The following RIPOR3 variants were observed in gnomAD, a reference collection of about 807,000 sequenced individuals.
RIPOR3 encodes the protein family with sequence similarity 65 member C.
A neutral mutation model predicts 114.3 loss-of-function variants in RIPOR3; 95 were observed. That is an observed-to-expected ratio of 0.83 (90% CI 0.70 to 0.99). The LOEUF is 0.99. RIPOR3 is among the 50% of genes least tolerant of loss of function. RIPOR3 has a pLI of 0.00. For missense variants in RIPOR3, 1,252 were observed against 1,266.9 expected (o/e 0.99, Z 0.18); for synonymous variants, 575 against 543.8 (o/e 1.06, Z -0.80).
intron 1 of RIPOR3, among the ~76,000 whole-genome samples, chr20:50,654,422 GTTTTTT>G (rs34825514): frequency 8.9e-5 from 5 of 56,116 alleles, no homozygotes; most frequent in Non-Finnish European, 1.6e-4. Context: ...AGGAGGCAGA[GTTTTTT>G]TTTTTTTTTT....
chr20:50,678,313 C>A (rs1042878369), intron 1 of RIPOR3, among the ~76,000 whole-genome samples: 1 of 152,156 alleles, frequency 6.6e-6, no homozygotes, highest in Non-Finnish European at 1.5e-5. Flanking sequence ...TTGGCCCAAC[C>A]CTCTGAAACT....
intron 1 of RIPOR3, among the ~76,000 whole-genome samples, chr20:50,672,516 C>G (rs1365170630): frequency 1.3e-5 from 2 of 152,204 alleles, no homozygotes; most frequent in Non-Finnish European, 2.9e-5. Context: ...ACCACAGAGA[C>G]AAACCAACCA....
At chr20:50,625,030 T>A (rs1323265233) in intron 2 of RIPOR3, among the ~76,000 whole-genome samples, 1 of 151,540 alleles carries the variant, frequency 6.6e-6, no homozygotes, top group East Asian at 1.9e-4. Flanking sequence ...AGGCATGCAC[T>A]CGGCACTTGC....
At chr20:50,590,232 C>T (rs1376915639) in intron 19 of RIPOR3, among the ~76,000 whole-genome samples, 2 of 152,250 alleles carry the variant, frequency 1.3e-5, no homozygotes, top group East Asian at 1.9e-4. Flanking sequence ...CTGCCCTCTT[C>T]GGTCTCACGA....
intron 1 of RIPOR3, among the ~76,000 whole-genome samples, chr20:50,655,418 C>T (rs962691388): frequency 1.3e-5 from 2 of 152,220 alleles, no homozygotes; most frequent in African/African-American, 2.4e-5. Context: ...GCCAGACACA[C>T]GGGCTCACTG....
chr20:50,587,911 AAAAG>A lies in RIPOR3; in HGVS notation c.2662-23_2662-20del, dbSNP rs752889112. 4.3e-5 allele frequency: 70 copies of A among 1,613,450 alleles called. No individual in the cohort carries two copies. The highest frequency in any genetic ancestry group is 5.3e-5 in the Non-Finnish European group (63 of 1,179,720). On this transcript the variant is annotated intron_variant, in intron 20 of 21. Coordinates refer to ENST00000327979, the MANE Select transcript of RIPOR3 (RefSeq NM_001290268.2). ...CAATGCCCTGTTCGAGATTAGGAGA[AAAAG>A]AACCCTTTAGGGGGCCTTCTCAACA...
At chr20:50,645,323 A>T (rs1333559029) in intron 1 of RIPOR3, 1 of 152,232 alleles carries the variant, frequency 6.6e-6, no homozygotes, top group Non-Finnish European at 1.5e-5. Flanking sequence ...AATCACAGCC[A>T]GCTCATGTCA....
At chr20:50,653,177 A>G (rs1460172376) in intron 1 of RIPOR3, 1 of 152,190 alleles carries the variant, frequency 6.6e-6, no homozygotes, top group African/African-American at 2.4e-5. Context: ...GAACCTTGAA[A>G]ACGGTATGCT....
chr20:50,657,952 A>G lies in RIPOR3; in HGVS notation c.4-27096T>C, dbSNP rs115908857. Among the ~76,000 whole-genome samples the G allele has an allele frequency of 9.6e-3, 1,461 of 151,406 alleles. 17 individuals carry two copies. Among genetic ancestry groups the G allele is most frequent in the African/African-American group, 0.034 (1,392 of 41,256 alleles). On this transcript the variant is annotated intron_variant, in intron 1 of 21. Coordinates refer to ENST00000327979, the MANE Select transcript of RIPOR3 (RefSeq NM_001290268.2). ...TTTTTATTTTTATTTTTTTGTAGTA[A>G]CAGGGCCTCGGTATATTGCCCAGGC...
At chr20:50,685,865 G>A (rs2087003017) in intron 1 of RIPOR3, among the ~76,000 whole-genome samples, 1 of 149,922 alleles carries the variant, frequency 6.7e-6, no homozygotes. Context: ...TCTGTGATGT[G>A]GGCATTAAAA....
chr20:50,610,043 G>GCCACC (rs2123069862), intron 6 of RIPOR3, among the ~76,000 whole-genome samples: 2 of 87,320 alleles, frequency 2.3e-5, no homozygotes, highest in African/African-American at 8.9e-5. Flanking sequence ...TGCCACCCCT[G>GCCACC]CCTCCCCTGC....
intron 5 of RIPOR3, 100 bp from the exon 6 acceptor site, chr20:50,611,006 G>GA: frequency 5.5e-6 from 3 of 542,792 alleles, no homozygotes; most frequent in South Asian, 5.0e-5. Context: ...CTCAGAGAAT[G>GA]GGGCCCCTCA....
intron 19 of RIPOR3, among the ~76,000 whole-genome samples, chr20:50,591,109 A>T (rs1304407573): frequency 6.6e-6 from 1 of 152,218 alleles, no homozygotes; most frequent in East Asian, 1.9e-4. Context: ...AAGCAGAGAA[A>T]GAAACGGGGA....
At chr20:50,662,056 T>A (rs2123461576) in intron 1 of RIPOR3, 1 of 152,490 alleles carries the variant, frequency 6.6e-6, no homozygotes, top group East Asian at 1.9e-4. Context: ...CAGACATCCC[T>A]GGGAGGCTCC....
intron 1 of RIPOR3, among the ~76,000 whole-genome samples, chr20:50,650,673 T>C (rs1389159700): frequency 6.6e-6 from 1 of 152,156 alleles, no homozygotes; most frequent in Non-Finnish European, 1.5e-5. Context: ...TACAGATGTA[T>C]AATCAGTCTG....
At chr20:50,681,885 G>A (rs111563351) in intron 1 of RIPOR3, among the ~76,000 whole-genome samples, 106 of 152,306 alleles carry the variant, frequency 7.0e-4, no homozygotes, top group African/African-American at 2.1e-3. Context: ...TCACAAACAC[G>A]CAGCCCATTC....
intron 4 of RIPOR3, among the ~76,000 whole-genome samples, chr20:50,612,718 C>T (rs141742179): frequency 5.3e-5 from 8 of 151,692 alleles, no homozygotes; most frequent in East Asian, 1.9e-4. Context: ...GGGCGTCAAT[C>T]GAGAAAGAAA....
At chr20:50,690,141 T>C (rs1221130516) in intron 1 of RIPOR3, among the ~76,000 whole-genome samples, 1 of 152,256 alleles carries the variant, frequency 6.6e-6, no homozygotes, top group African/African-American at 2.4e-5. Flanking sequence ...GGGAGGCATG[T>C]GGAAAGCGCT....
intron 1 of RIPOR3, among the ~76,000 whole-genome samples, chr20:50,687,885 A>C (rs1188237372): frequency 6.6e-6 from 1 of 151,508 alleles, no homozygotes; most frequent in East Asian, 1.9e-4. Context: ...CCTAGGCAAC[A>C]GAGTGTGACT....
Sources: allele counts gnomAD v4.1 joint callset (sites outside exome capture counted in the v4.1 genomes callset), GRCh38; gene constraint gnomAD v4.1.1; transcripts MANE v1.5; gene names NCBI Gene and HGNC (gene_info 2026-07-23, HGNC 2026-07-21).